The following PARVB variants were observed in gnomAD, a reference collection of about 807,000 sequenced individuals.
The protein encoded by PARVB is beta-parvin.
A neutral mutation model predicts 47.0 loss-of-function variants in PARVB; 46 were observed. The ratio of observed to expected loss-of-function variants is 0.98; its 90% CI spans 0.77 to 1.25. PARVB has a LOEUF of 1.25. Ranked by LOEUF, PARVB falls within the 50% of genes most tolerant of loss-of-function variation. The pLI, the probability that PARVB is intolerant of heterozygous loss-of-function variation, is 0.00. For synonymous variants in PARVB, 196 were observed against 196.3 expected (o/e 1.00, Z 0.01); for missense variants, 473 against 471.6 (o/e 1.00, Z -0.03).
intron 2 of PARVB, among the ~76,000 whole-genome samples, chr22:44,018,568 T>C (rs1415141695): frequency 1.3e-5 from 2 of 152,158 alleles, no homozygotes; most frequent in Non-Finnish European, 2.9e-5. Context: ...GGCTCCCAAC[T>C]CCAAATGTTC....
chr22:44,057,410 A>G (rs1261305723), intron 1 of PARVB, among the ~76,000 whole-genome samples: 1 of 152,140 alleles, frequency 6.6e-6, no homozygotes, highest in African/African-American at 2.4e-5. Context: ...CTCGCAAAAA[A>G]TCCAAAAGTG....
intron 1 of PARVB, among the ~76,000 whole-genome samples, chr22:44,031,693 A>G (rs2050829597): frequency 6.6e-6 from 1 of 151,984 alleles, no homozygotes; most frequent in African/African-American, 2.4e-5. Flanking sequence ...CCGCTGTGGA[A>G]TTAATATCGA....
At chr22:44,119,802 T>C (rs1435674311) in intron 4 of PARVB, 1 of 532,994 alleles carries the variant, frequency 1.9e-6, no homozygotes, top group East Asian at 5.4e-5. Context: ...CTGTTCAGAT[T>C]GCTTGTGATG....
intron 1 of PARVB, among the ~76,000 whole-genome samples, chr22:44,028,128 C>T (rs2050763212): frequency 6.6e-6 from 1 of 151,944 alleles, no homozygotes; most frequent in African/African-American, 2.4e-5. Context: ...TCCGCAAGCT[C>T]ATAGTTTACA....
chr22:44,086,032 C>T (rs896898287), intron 1 of PARVB, among the ~76,000 whole-genome samples: 5 of 152,348 alleles, frequency 3.3e-5, no homozygotes, highest in African/African-American at 9.6e-5. Flanking sequence ...CCCAGCACAA[C>T]AAGCCCCATA....
chr22:44,140,506 T>C, intron 8 of PARVB: 1 of 584,084 alleles, frequency 1.7e-6, no homozygotes, highest in Admixed American at 1.9e-5. Flanking sequence ...GGAGCGTCGT[T>C]AGCTGGCTGG....
chr22:44,145,014 C>G (rs992452822), intron 8 of PARVB: 3 of 157,100 alleles, frequency 1.9e-5, no homozygotes, highest in African/African-American at 7.2e-5. Context: ...GGCCCTCCCC[C>G]AAGTCTGTGC....
chr22:44,129,646 C>A (rs760029721), intron 4 of PARVB, among the ~76,000 whole-genome samples: 6 of 152,184 alleles, frequency 3.9e-5, no homozygotes, highest in Non-Finnish European at 4.4e-5. Context: ...ACTTCCAGGG[C>A]GCAAATTCAG....
intron 1 of PARVB, among the ~76,000 whole-genome samples, chr22:44,091,274 CTTTTT>C (rs3083368): frequency 2.2e-5 from 2 of 90,750 alleles, no homozygotes; most frequent in South Asian, 3.7e-4. Flanking sequence ...AGAGGGCCTG[CTTTTT>C]TTTTTTTTTT....
At chr22:44,029,640 G>C (rs1425939742) in intron 1 of PARVB, among the ~76,000 whole-genome samples, 5 of 152,004 alleles carry the variant, frequency 3.3e-5, no homozygotes, top group Non-Finnish European at 7.4e-5. Context: ...GCCAGGCGTG[G>C]TGGCTCACGC....
At chr22:44,010,813 G>A (rs1438201747) in intron 2 of PARVB, among the ~76,000 whole-genome samples, 1 of 151,198 alleles carries the variant, frequency 6.6e-6, no homozygotes, top group African/African-American at 2.4e-5. Flanking sequence ...AAAATTTTAC[G>A]ACATATGAAA....
intron 2 of PARVB, among the ~76,000 whole-genome samples, chr22:44,016,179 C>A (rs1189158458): frequency 2.0e-5 from 3 of 149,612 alleles, no homozygotes; most frequent in Non-Finnish European, 4.4e-5. Flanking sequence ...TCACTGCAAG[C>A]TCCACCTCCC....
At chr22:44,097,537 T>C (rs982454527) in intron 2 of PARVB, among the ~76,000 whole-genome samples, 1 of 152,068 alleles carries the variant, frequency 6.6e-6, no homozygotes, top group African/African-American at 2.4e-5. Context: ...GATACAGAGG[T>C]GTTTCTCATC....
chr22:44,100,004 C>G (rs1386389920), intron 2 of PARVB, 49 bp from the exon 3 acceptor site: 1 of 1,503,822 alleles, frequency 6.6e-7, no homozygotes, highest in Non-Finnish European at 9.3e-7. Flanking sequence ...TCCCCGTGTC[C>G]CTGCCACCCC....
chr22:44,139,272 C>A, intron 7 of PARVB: 1 of 151,076 alleles, frequency 6.6e-6, no homozygotes. Context: ...TGGTGCGATC[C>A]CAGCTCAGTG....
intron 2 of PARVB, among the ~76,000 whole-genome samples, chr22:44,016,197 C>T (rs907667467): frequency 5.3e-5 from 8 of 149,552 alleles, no homozygotes; most frequent in South Asian, 2.1e-4. Context: ...CCCAGGTTTA[C>T]GCAATTCTCC....
chr22:44,078,184 A>G (rs73888850), intron 1 of PARVB, among the ~76,000 whole-genome samples: 7,926 of 152,166 alleles, frequency 0.052, 451 homozygotes, highest in African/African-American at 0.14. Flanking sequence ...ACTGTGTTGA[A>G]CTGGCTGGAC....
intron 2 of PARVB, among the ~76,000 whole-genome samples, chr22:44,005,351 A>G (rs969836375): frequency 2.0e-4 from 30 of 149,924 alleles, no homozygotes; most frequent in African/African-American, 6.6e-4. Flanking sequence ...GGGCTCAAGC[A>G]GTCCTCCTGC....
chr22:44,008,032 C>G (rs7364176), intron 2 of PARVB, among the ~76,000 whole-genome samples: 3,543 of 152,266 alleles, frequency 0.023, 46 homozygotes, highest in Middle Eastern at 0.031. Context: ...ACCACATTTT[C>G]TTTATCCCTT....
Sources: allele counts gnomAD v4.1 joint callset (sites outside exome capture counted in the v4.1 genomes callset), GRCh38; gene constraint gnomAD v4.1.1; transcripts MANE v1.5; gene names NCBI Gene and HGNC (gene_info 2026-07-23, HGNC 2026-07-21).